PGM3: variants seen among roughly 807,000 people sequenced by gnomAD.
The protein encoded by PGM3 is phosphoglucomutase 3, also known as phosphoacetylglucosamine mutase.
PGM3 carries 40 observed loss-of-function variants against 66.2 expected under a neutral mutation model. That is an observed-to-expected ratio of 0.60 (90% CI 0.47 to 0.79). PGM3 has a LOEUF of 0.79. PGM3 is among the 30% of genes least tolerant of loss of function. The probability of loss-of-function intolerance (pLI) is 0.00; values close to 1 mark genes in which losing one functional copy is unlikely to be tolerated. For synonymous variants in PGM3, 191 were observed against 224.2 expected (o/e 0.85, Z 1.32); for missense variants, 537 against 643.4 (o/e 0.83, Z 1.79).
At chr6:83,163,515 A>G (rs2128434971), downstream of PGM3, among the ~76,000 whole-genome samples, 1 of 152,332 alleles carries the variant, frequency 6.6e-6, no homozygotes, top group African/African-American at 2.4e-5. Flanking sequence ...ATTAGCATTC[A>G]TTCTGTTTAT....
chr6:83,164,878 A>G lies in PGM3; in HGVS notation c.*4356T>C, dbSNP rs1785089381. On this transcript the variant is annotated 3_prime_UTR_variant, in exon 13 of 13. Coordinates refer to ENST00000513973, the MANE Select transcript of PGM3 (RefSeq NM_015599.3). ...TGAAGTCAAAGGAGAAATCATTTGT[A>G]TGGAAACATTTGACTTTATTTAATA... The G allele has an allele frequency of 1.7e-6, 1 of 600,684 alleles. No individual in the cohort carries two copies. The highest frequency in any genetic ancestry group is 2.9e-5 in the East Asian group (1 of 34,396). 37.2% of individuals were successfully genotyped at this position (600,684 alleles called of 1,614,324 possible).
At chr6:83,149,625 T>A in the PGM3 span, among the ~76,000 whole-genome samples, 5 of 152,170 alleles carry the variant, frequency 3.3e-5, no homozygotes, top group South Asian at 2.1e-4. Context: ...GTGGGAGCGG[T>A]TGCAGGTTTT....
chr6:83,169,416 G>C (rs887258587), intron 12 of PGM3, 93 bp from the exon 13 acceptor site: 1 of 1,424,336 alleles, frequency 7.0e-7, no homozygotes. Flanking sequence ...GGGGAAGAGA[G>C]GGGTGATTCT....
At chr6:83,160,932 G>C (rs1784096725), downstream of PGM3, among the ~76,000 whole-genome samples, 1 of 151,902 alleles carries the variant, frequency 6.6e-6, no homozygotes, top group Non-Finnish European at 1.5e-5. Flanking sequence ...ATTACTTTTA[G>C]AGTCATTCTA....
At chr6:83,175,353 T>G (rs1012017274) in intron 9 of PGM3, among the ~76,000 whole-genome samples, 1 of 152,186 alleles carries the variant, frequency 6.6e-6, no homozygotes, top group Non-Finnish European at 1.5e-5. Flanking sequence ...CTTTTTATAT[T>G]TATGCCCTCC....
chr6:83,148,833 T>A, the PGM3 span: 3 of 1,549,770 alleles, frequency 1.9e-6, no homozygotes, highest in Middle Eastern at 3.4e-4. Flanking sequence ...CAACTGAGTC[T>A]TCCAGCTCCA....
chr6:83,179,994 A>C, intron 6 of PGM3, 27 bp from the exon 7 acceptor site: 1 of 1,541,858 alleles, frequency 6.5e-7, no homozygotes, highest in Non-Finnish European at 8.8e-7. Flanking sequence ...TTTAACATGC[A>C]TTTCAGTCTA....
chr6:83,169,170 T>G lies in PGM3; in HGVS notation c.*64A>C. On this transcript the variant is annotated 3_prime_UTR_variant, in exon 13 of 13. Transcript: ENST00000513973. ...ATTATAAATCTCTTAGTACTGCCAT[T>G]ATTATTGACAGTTTTGTAAAGACTT... is the stretch of plus-strand genomic sequence containing the variant. 6.3e-7 allele frequency: 1 copy of G among 1,596,858 alleles called. No homozygotes were observed. The highest frequency in any genetic ancestry group is 8.5e-7 in the Non-Finnish European group (1 of 1,170,154).
the PGM3 span, chr6:83,151,463 G>A: frequency 1.7e-6 from 1 of 597,056 alleles, no homozygotes; most frequent in East Asian, 3.0e-5. Context: ...CATAGGATAT[G>A]TATATATATT....
At position 83,193,188 on chromosome 6, in the gene PGM3, G is replaced by GA. The variant is rs1194544347; in HGVS notation, c.-13dup. 1 of 152,356 alleles carries GA rather than the reference G, an allele frequency of 6.6e-6. No individual in the cohort carries two copies. Among genetic ancestry groups the GA allele is most frequent in the African/African-American group, 2.4e-5 (1 of 41,446 alleles). The allele number at this position is 152,356 out of a possible 1,614,324, so 9.4% of individuals were successfully genotyped here. ...TCGGGGCCCGGCTTACCTCGGTCAGGAAGCCCCCTTCACCTACACGCAGCG... is the reference window on the plus strand; with the variant it reads ...TCGGGGCCCGGCTTACCTCGGTCAGGAAAGCCCCCTTCACCTACACGCAGCG... On this transcript the variant is annotated 5_prime_UTR_variant, in exon 1 of 13. Transcript: ENST00000513973.
At chr6:83,182,265 G>A (rs1231392590) in intron 5 of PGM3, among the ~76,000 whole-genome samples, 1 of 152,136 alleles carries the variant, frequency 6.6e-6, no homozygotes, top group East Asian at 1.9e-4. Flanking sequence ...ACAGACAAAT[G>A]GGCAGTAATG....
chr6:83,158,751 T>C (rs1321291758), downstream of PGM3: 9 of 696,144 alleles, frequency 1.3e-5, no homozygotes, highest in Non-Finnish European at 1.9e-5. Context: ...ATTGATTACG[T>C]TTGGATATAA....
chr6:83,151,593 G>T, the PGM3 span: 1 of 1,596,566 alleles, frequency 6.3e-7, no homozygotes, highest in Non-Finnish European at 8.5e-7. Context: ...GCCCTTTTAG[G>T]GTTCTGAATG....
At chr6:83,151,742 A>C in the PGM3 span, 1 of 1,471,942 alleles carries the variant, frequency 6.8e-7, no homozygotes, top group Non-Finnish European at 9.3e-7. Flanking sequence ...AAATAAACTG[A>C]AGTTTCTTTC....
rs367656789 is a variant in PGM3 at position 83,182,989 on chromosome 6, A to C, written c.458-11T>G. The C allele has an allele frequency of 2.5e-6, 4 of 1,608,942 alleles. No individual in the cohort carries two copies. Among genetic ancestry groups the C allele is most frequent in the Non-Finnish European group, 3.4e-6 (4 of 1,177,652 alleles). On this transcript the variant is annotated splice_polypyrimidine_tract_variant and intron_variant, in intron 4 of 12. Transcript: ENST00000513973. ...TTAACAAGCCATAATCTGTCATAGA[A>C]ATACAAAAAGCAATTCACCGCATTT...
At chr6:83,180,691 G>C (rs1187725210) in intron 6 of PGM3, among the ~76,000 whole-genome samples, 1 of 152,200 alleles carries the variant, frequency 6.6e-6, no homozygotes, top group Non-Finnish European at 1.5e-5. Context: ...AGAGCATAGA[G>C]AGTAAGAGCT....
At position 83,168,147 on chromosome 6, in the gene PGM3, GA is replaced by G; in HGVS notation, c.*1086del. 6.2e-7 allele frequency: 1 copy of G among 1,612,392 alleles called. No homozygotes were observed. The highest frequency in any genetic ancestry group is 1.7e-4 in the Middle Eastern group (1 of 6,044). On this transcript the variant is annotated 3_prime_UTR_variant, in exon 13 of 13. Coordinates refer to ENST00000513973, the MANE Select transcript of PGM3 (RefSeq NM_015599.3). Reference sequence around the variant, plus strand: ...AGAGATGGTAGAAAAAGATTTTCTGGAAGGGATGATAAAAACTTGAGCACCA... The same window carrying G: ...AGAGATGGTAGAAAAAGATTTTCTGGAGGGATGATAAAAACTTGAGCACCA...
chr6:83,169,186 G>A lies in PGM3; in HGVS notation c.*48C>T. 1 of 1,607,466 alleles carries A rather than the reference G, an allele frequency of 6.2e-7. No homozygotes were observed. The highest frequency in any genetic ancestry group is 8.5e-7 in the Non-Finnish European group (1 of 1,176,270). On this transcript the variant is annotated 3_prime_UTR_variant, in exon 13 of 13. Coordinates refer to ENST00000513973, the MANE Select transcript of PGM3 (RefSeq NM_015599.3). ...TACTGCCATTATTATTGACAGTTTT[G>A]TAAAGACTTGTAAAAAGTCCAGTTT...
chr6:83,181,765 AAGTC>A lies in PGM3; in HGVS notation c.754_757del (p.Asp252LeufsTer2). ...TGGAGGTTTCTGATGACTTTTCACAAAGTCAGCTCCACATAAATGATTGAGTTTG... is the reference window on the plus strand; with the variant it reads ...TGGAGGTTTCTGATGACTTTTCACAAAGCTCCACATAAATGATTGAGTTTG... On this transcript the variant is annotated frameshift_variant, in exon 6 of 13. Transcript: ENST00000513973. LOFTEE classifies it high-confidence loss of function. The A allele has an allele frequency of 6.2e-7, 1 of 1,611,398 alleles. No homozygotes were observed.
Sources: gnomAD v4.1 joint callset for allele counts (sites outside exome capture counted in the v4.1 genomes callset) on GRCh38, gnomAD v4.1.1 for gene constraint, MANE v1.5 for transcripts, NCBI Gene and HGNC (gene_info 2026-07-23, HGNC 2026-07-21) for gene names.